HGF: variants seen among roughly 807,000 people sequenced by gnomAD.
The protein encoded by HGF is hepatocyte growth factor.
Under a neutral mutation model 111.6 loss-of-function variants are expected in HGF, and 39 were observed. The ratio of observed to expected loss-of-function variants is 0.35; its 90% confidence interval spans 0.27 to 0.46. HGF has a LOEUF of 0.46. Among genes scored for constraint, HGF ranks in the 20% least tolerant of loss-of-function variants. The probability of loss-of-function intolerance (pLI) is 1.00; values close to 1 mark genes in which losing one functional copy is unlikely to be tolerated. For synonymous variants in HGF, 285 were observed against 294.8 expected, an observed-to-expected ratio of 0.97 and a Z score of 0.34; for missense variants, 735 against 910.5, an observed-to-expected ratio of 0.81 and a Z score of 2.48.
chr7:81,750,239 T>G (rs575818979), intron 5 of HGF, among the ~76,000 whole-genome samples: 1 of 152,334 alleles, frequency 6.6e-6, no homozygotes, highest in African/African-American at 2.4e-5. Context: ...GCTAACACAT[T>G]GCTTGTGTTA....
chr7:81,760,524 T>G (rs1001214706), intron 2 of HGF, among the ~76,000 whole-genome samples: 1 of 152,202 alleles, frequency 6.6e-6, no homozygotes, highest in African/African-American at 2.4e-5. Context: ...GTATTTTTCA[T>G]TGTTTTTAAA....
At chr7:81,762,651 A>G in intron 2 of HGF, 56 bp downstream of exon 2, 1 of 1,212,014 alleles carries the variant, frequency 8.3e-7, no homozygotes, top group Admixed American at 1.7e-5. Context: ...ACATGATTAT[A>G]ATACATGCAT....
intron 9 of HGF, among the ~76,000 whole-genome samples, chr7:81,725,009 A>G (rs1789967975): frequency 6.6e-6 from 1 of 152,208 alleles, no homozygotes; most frequent in African/African-American, 2.4e-5. Context: ...GCTAACAACC[A>G]GGGTCAAGTC....
intron 8 of HGF, among the ~76,000 whole-genome samples, chr7:81,728,661 AT>A (rs1790083041): frequency 6.6e-6 from 1 of 152,214 alleles, no homozygotes; most frequent in Non-Finnish European, 1.5e-5. Flanking sequence ...AATATTTACT[AT>A]TTAAACAAAT....
intron 7 of HGF, among the ~76,000 whole-genome samples, chr7:81,739,940 A>G (rs1236303710): frequency 6.6e-6 from 1 of 151,990 alleles, no homozygotes; most frequent in African/African-American, 2.4e-5. Flanking sequence ...ATTTTTCTCA[A>G]CTTCTTTCAG....
At chr7:81,702,923 T>C (rs1473707532) in intron 17 of HGF, among the ~76,000 whole-genome samples, 166 bp from the exon 18 acceptor site, 15 of 151,736 alleles carry the variant, frequency 9.9e-5, no homozygotes, top group Admixed American at 9.9e-4. Context: ...TTGTTGACTT[T>C]CTACTGAATT....
intron 4 of HGF, chr7:81,755,612 G>A (rs1174300152): frequency 5.9e-6 from 1 of 170,366 alleles, no homozygotes; most frequent in Non-Finnish European, 1.2e-5. Context: ...CATTCTCCTG[G>A]ACTAGGGTAG....
At chr7:81,710,102 T>G in intron 13 of HGF, 45 bp downstream of exon 13, 5 of 1,281,726 alleles carry the variant, frequency 3.9e-6, no homozygotes, top group Non-Finnish European at 5.7e-6. Context: ...AGGACTCTCT[T>G]GTACATATTC....
intron 7 of HGF, among the ~76,000 whole-genome samples, chr7:81,731,050 C>T (rs578012301): frequency 6.6e-6 from 1 of 152,258 alleles, no homozygotes; most frequent in Admixed American, 6.5e-5. Context: ...ATCTAAACAC[C>T]TCTCTCATAC....
intron 1 of HGF, among the ~76,000 whole-genome samples, chr7:81,763,399 TC>T (rs1789199776): frequency 6.6e-6 from 1 of 152,148 alleles, no homozygotes; most frequent in Non-Finnish European, 1.5e-5. Flanking sequence ...TTAGCCCCTC[TC>T]TCCTCCTTTA....
At chr7:81,729,850 T>C in intron 7 of HGF, 71 bp from the exon 8 acceptor site, 2 of 1,422,044 alleles carry the variant, frequency 1.4e-6, no homozygotes, top group Non-Finnish European at 2.0e-6. Context: ...CCTCTTAGAG[T>C]TCATTGGCAT....
intron 11 of HGF, among the ~76,000 whole-genome samples, chr7:81,713,108 G>A (rs892047412): frequency 2.0e-5 from 3 of 152,092 alleles, no homozygotes; most frequent in African/African-American, 7.2e-5. Flanking sequence ...ATTTTGTGAG[G>A]AGAAAGACTG....
chr7:81,725,266 C>T (rs1789976101), intron 9 of HGF, among the ~76,000 whole-genome samples: 1 of 152,188 alleles, frequency 6.6e-6, no homozygotes. Context: ...ATCTCATCTC[C>T]TACTACTCTT....
rs139088618 is a variant in HGF, at chr7:81,754,707, T to C, written c.483-2445A>G. On this transcript the variant is annotated intron_variant, in intron 4 of 17. Transcript: ENST00000222390. ...TTTCTTCATTCTGTGGTGTATTTTA[T>C]CTTTTACCTAAATTAACTGTTTTTT... 5.9e-3 allele frequency among the ~76,000 whole-genome samples: 899 copies of C among 152,136 alleles called. 11 individuals are homozygous for C. Among genetic ancestry groups the C allele is most frequent in the South Asian group, 0.027 (132 of 4,822 alleles).
intron 1 of HGF, among the ~76,000 whole-genome samples, chr7:81,766,673 T>C (rs552381399): frequency 6.6e-6 from 1 of 152,292 alleles, no homozygotes; most frequent in Admixed American, 6.5e-5. Flanking sequence ...GGGGCCTCCC[T>C]AGGTATTTTC....
chr7:81,729,758 G>T lies in HGF; in HGVS notation c.887C>A (p.Thr296Asn). The T allele has an allele frequency of 6.2e-7, 1 of 1,613,170 alleles. No homozygotes were observed. Among genetic ancestry groups the T allele is most frequent in the East Asian group, 2.2e-5 (1 of 44,754 alleles). ...KTCADNTMND[T>N]DVPLETTECI... Reference sequence around the variant, plus strand: ...TTCAGTTGTTTCCAAAGGAACATCAGTGTCATTCATAGTATTGTCAGCTAT... The same window carrying T: ...TTCAGTTGTTTCCAAAGGAACATCATTGTCATTCATAGTATTGTCAGCTAT... Residue 296 changes from threonine to asparagine, a missense_variant, in exon 8 of 18, where the codon ACT becomes AAT. Transcript: ENST00000222390.
Position 81,699,298 on chromosome 7 carries a change from C to A in HGF, c.*3283G>T, listed in dbSNP as rs1162685282. On this transcript the variant is annotated 3_prime_UTR_variant, in exon 18 of 18. Transcript: ENST00000222390. ...GTTACACTGTCAAGATATATATGGT[C>A]CAAAAAATTTTAACTTTTTTTGTAT... 6.6e-6 allele frequency: 1 copy of A among 151,340 alleles called. No homozygotes were observed. The highest frequency in any genetic ancestry group is 2.4e-5 in the African/African-American group (1 of 41,358). 9.4% of individuals were successfully genotyped at this position (151,340 alleles called of 1,614,324 possible). A position where few individuals can be genotyped will look rare whatever the true frequency, so the allele number is the denominator to read the frequency against.
chr7:81,721,495 T>A (rs1789861319), intron 9 of HGF, among the ~76,000 whole-genome samples: 1 of 152,178 alleles, frequency 6.6e-6, no homozygotes, highest in African/African-American at 2.4e-5. Context: ...TTCTGAAAAA[T>A]TTCATTCCAT....
At chr7:81,732,156 A>G (rs958150003) in intron 7 of HGF, among the ~76,000 whole-genome samples, 20 of 152,162 alleles carry the variant, frequency 1.3e-4, no homozygotes, top group African/African-American at 4.8e-4. Flanking sequence ...CTTTGGCTAG[A>G]TATGGGTCCA....
Sources: gnomAD v4.1 joint callset for allele counts (sites outside exome capture counted in the v4.1 genomes callset) on GRCh38, gnomAD v4.1.1 for gene constraint, MANE v1.5 for transcripts, NCBI Gene and HGNC (gene_info 2026-07-23, HGNC 2026-07-21) for gene names.